FOXK1: variants seen among roughly 807,000 people sequenced by gnomAD.
FOXK1 encodes forkhead box K1.
FOXK1 carries 19 observed loss-of-function variants against 51.9 expected under a neutral mutation model. The ratio of observed to expected loss-of-function variants is 0.37; its 90% CI spans 0.26 to 0.54. The LOEUF (loss-of-function observed/expected upper bound fraction) is 0.54. Among genes scored for constraint, FOXK1 ranks in the 20% least tolerant of loss-of-function variants. FOXK1 has a pLI of 0.87. For missense variants in FOXK1, 870 were observed against 1,032.7 expected, an observed-to-expected ratio of 0.84 and a Z score of 2.16; for synonymous variants, 537 against 482.6, an observed-to-expected ratio of 1.11 and a Z score of -1.48.
intron 7 of FOXK1, chr7:4,760,109 C>T (rs1322876111): frequency 6.4e-6 from 1 of 156,828 alleles, no homozygotes; most frequent in Non-Finnish European, 1.4e-5. Context: ...TAGCTGTGTC[C>T]TTGCCCTAAG....
rs1258451344 is a variant in FOXK1, at chr7:4,771,231, T to C, written c.*8767T>C. 1 of 152,618 alleles carries C rather than the reference T, an allele frequency of 6.6e-6. No homozygotes were observed. The highest frequency in any genetic ancestry group is 2.4e-5 in the African/African-American group (1 of 41,428). The allele number at this position is 152,618 out of a possible 1,614,324, so 9.5% of individuals were successfully genotyped here. A position where few individuals can be genotyped will look rare whatever the true frequency, so the allele number is the denominator to read the frequency against. On this transcript the variant is annotated 3_prime_UTR_variant, in exon 9 of 9. Coordinates refer to ENST00000328914, the MANE Select transcript of FOXK1 (RefSeq NM_001037165.2). ...TTTTAATAAGGAGCCATACTTTTTTTTAAGAGTTTGAGATCTGAATGTGAT... is the reference window on the plus strand; with the variant it reads ...TTTTAATAAGGAGCCATACTTTTTTCTAAGAGTTTGAGATCTGAATGTGAT...
intron 2 of FOXK1, among the ~76,000 whole-genome samples, chr7:4,742,927 GGA>G (rs1051886685): frequency 6.6e-6 from 1 of 152,218 alleles, no homozygotes; most frequent in African/African-American, 2.4e-5. Context: ...TGTCTCTCGT[GGA>G]GAGAGAAGTT....
Position 4,756,064 on chromosome 7 carries a change from C to G in FOXK1, c.1050+681C>G, listed in dbSNP as rs1169786926. On this transcript the variant is annotated intron_variant, in intron 4 of 8. Coordinates refer to ENST00000328914, the MANE Select transcript of FOXK1 (RefSeq NM_001037165.2). The surrounding 1 kb of genome is among the most constrained non-coding windows in gnomAD (Gnocchi z 4.1). ...CATGACTGATGCATGTTGCATTTGC[C>G]TGTATTTTCTCCAATGTCAGTGTAG... is the stretch of plus-strand genomic sequence containing the variant. 2.0e-5 allele frequency among the ~76,000 whole-genome samples: 3 copies of G among 152,294 alleles called. No individual in the cohort carries two copies. The East Asian group carries it at 5.8e-4, about 29-fold the overall frequency.
rs1330879681 is a variant in FOXK1 at position 4,747,721 on chromosome 7, T to C, written c.746+6698T>C. On this transcript the variant is annotated intron_variant, in intron 2 of 8. Coordinates refer to ENST00000328914, the MANE Select transcript of FOXK1 (RefSeq NM_001037165.2). The surrounding 1 kb of genome is among the most constrained non-coding windows in gnomAD (Gnocchi z 9.2). ...CACCCAGCTCATTTTTTATTTTCGTTGAGATGGTGTCTTGCCCAGGCTGGT... is the reference window on the plus strand; with the variant it reads ...CACCCAGCTCATTTTTTATTTTCGTCGAGATGGTGTCTTGCCCAGGCTGGT... Among the ~76,000 whole-genome samples, 5 of 151,662 alleles carry C rather than the reference T, an allele frequency of 3.3e-5. No individual in the cohort carries two copies. The highest frequency in any genetic ancestry group is 7.4e-5 in the Non-Finnish European group (5 of 67,926).
chr7:4,689,836 C>T (rs1453576773), intron 1 of FOXK1, among the ~76,000 whole-genome samples: 3 of 152,188 alleles, frequency 2.0e-5, no homozygotes, highest in African/African-American at 7.2e-5. Flanking sequence ...GGTTTTCCCA[C>T]CCTTGTCACT....
rs1780826695 is a variant in FOXK1 at position 4,755,059 on chromosome 7, T to C, written c.904-178T>C. On this transcript the variant is annotated intron_variant, in intron 3 of 8. Coordinates refer to ENST00000328914, the MANE Select transcript of FOXK1 (RefSeq NM_001037165.2). This position sits in a 1 kb window ranked among gnomAD's most constrained non-coding sequence, Gnocchi z 6.6. ...AGTTTTCCTTCCCATGAGGCAAAAATGGTTGTTCCTAGTTGAATGCAAGCA... is the reference window on the plus strand; with the variant it reads ...AGTTTTCCTTCCCATGAGGCAAAAACGGTTGTTCCTAGTTGAATGCAAGCA... 1 of 703,522 alleles carries C rather than the reference T, an allele frequency of 1.4e-6. No individual in the cohort carries two copies. Among genetic ancestry groups the C allele is most frequent in the Non-Finnish European group, 2.3e-6 (1 of 442,794 alleles). 43.6% of individuals were successfully genotyped at this position (703,522 alleles called of 1,614,324 possible).
intron 1 of FOXK1, among the ~76,000 whole-genome samples, chr7:4,693,557 C>T (rs1779918840): frequency 6.6e-6 from 1 of 152,082 alleles, no homozygotes. Flanking sequence ...TAGTTACTGC[C>T]GTTATTTTCC....
At chr7:4,695,813 G>A (rs1779944307) in intron 1 of FOXK1, among the ~76,000 whole-genome samples, 1 of 152,142 alleles carries the variant, frequency 6.6e-6, no homozygotes, top group South Asian at 2.1e-4. Context: ...GCGCATGCCT[G>A]TAATCCCAGC....
At chr7:4,695,193 G>A (rs550864560) in intron 1 of FOXK1, among the ~76,000 whole-genome samples, 2 of 152,320 alleles carry the variant, frequency 1.3e-5, no homozygotes, top group South Asian at 2.1e-4. Flanking sequence ...GTGATTCATC[G>A]CCGCTTGATG....
At position 4,705,552 on chromosome 7, in the gene FOXK1, T is replaced by G. The variant is rs572451144; in HGVS notation, c.560+22684T>G. Among the ~76,000 whole-genome samples, 1,413 of 143,668 alleles carry G rather than the reference T, an allele frequency of 9.8e-3. 23 individuals are homozygous for G. Among genetic ancestry groups the G allele is most frequent in the African/African-American group, 0.032 (1,182 of 37,198 alleles). 94.3% of individuals were successfully genotyped at this position (143,668 alleles called of 152,430 possible). ...CTCTCTCTCTCTCTCTCTCTCTCTC[T>G]CTCTCTCGCTCTCGCTCTCTCGTCG... On this transcript the variant is annotated intron_variant, in intron 1 of 8. Coordinates refer to ENST00000328914, the MANE Select transcript of FOXK1 (RefSeq NM_001037165.2).
intron 1 of FOXK1, among the ~76,000 whole-genome samples, chr7:4,698,862 A>T (rs1779984527): frequency 6.6e-6 from 1 of 151,724 alleles, no homozygotes; most frequent in Non-Finnish European, 1.5e-5. Flanking sequence ...CTAGCTTTTT[A>T]TTTTTTATGG....
rs1780751576 is a variant in FOXK1, at chr7:4,749,807, A to G, written c.747-4652A>G. On this transcript the variant is annotated intron_variant, in intron 2 of 8. Coordinates refer to ENST00000328914, the MANE Select transcript of FOXK1 (RefSeq NM_001037165.2). The surrounding 1 kb of genome is among the most constrained non-coding windows in gnomAD (Gnocchi z 6.0). ...GTCTTAGGCTCTGGGGACGGAGCCCAGCTGGCGGCTCCAGAGGTGGCTTTA... is the reference window on the plus strand; with the variant it reads ...GTCTTAGGCTCTGGGGACGGAGCCCGGCTGGCGGCTCCAGAGGTGGCTTTA... Among the ~76,000 whole-genome samples, 1 of 152,222 alleles carries G rather than the reference A, an allele frequency of 6.6e-6. No homozygotes were observed. The highest frequency in any genetic ancestry group is 6.5e-5 in the Admixed American group (1 of 15,286).
intron 1 of FOXK1, among the ~76,000 whole-genome samples, chr7:4,738,363 G>C (rs925026855): frequency 3.3e-5 from 5 of 151,858 alleles, no homozygotes; most frequent in African/African-American, 1.2e-4. Flanking sequence ...CTTGAACCCA[G>C]GAGGTGGAGG....
chr7:4,759,703 A>C, intron 7 of FOXK1, 108 bp downstream of exon 7: 1 of 1,285,114 alleles, frequency 7.8e-7, no homozygotes, highest in Non-Finnish European at 1.0e-6. Flanking sequence ...GAGGAGGATG[A>C]TTCTCTGCTT....
intron 1 of FOXK1, among the ~76,000 whole-genome samples, chr7:4,726,439 A>G (rs1479613536): frequency 2.0e-5 from 3 of 152,106 alleles, no homozygotes; most frequent in Non-Finnish European, 4.4e-5. Flanking sequence ...GACCAACATG[A>G]TGAAACCCTG....
chr7:4,685,544 T>A (rs979544120), intron 1 of FOXK1, among the ~76,000 whole-genome samples: 5 of 148,304 alleles, frequency 3.4e-5, no homozygotes, highest in East Asian at 2.0e-4. Flanking sequence ...TTTTTTTTTT[T>A]AATTTTAGAA....
chr7:4,722,860 G>A lies in FOXK1; in HGVS notation c.561-17978G>A, dbSNP rs1301024035. ...TCCATCCCTCTCTCGTTTGGGCTCC[G>A]GTTCCCGCAGAATTGGCATCCAGGT... On this transcript the variant is annotated intron_variant, in intron 1 of 8. Coordinates refer to ENST00000328914, the MANE Select transcript of FOXK1 (RefSeq NM_001037165.2). This position sits in a 1 kb window ranked among gnomAD's most constrained non-coding sequence, Gnocchi z 5.1. 1.3e-5 allele frequency among the ~76,000 whole-genome samples: 2 copies of A among 152,036 alleles called. No homozygotes were observed. Among genetic ancestry groups the A allele is most frequent in the Non-Finnish European group, 2.9e-5 (2 of 68,012 alleles).
In FOXK1 at chr7:4,762,656, TAAAC is replaced by T; in HGVS notation, c.*195_*198del. 1 of 595,300 alleles carries T rather than the reference TAAAC, an allele frequency of 1.7e-6. No individual in the cohort carries two copies. Among genetic ancestry groups the T allele is most frequent in the African/African-American group, 1.9e-5 (1 of 53,716 alleles). The allele number at this position is 595,300 out of a possible 1,614,324, so 36.9% of individuals were successfully genotyped here. A position where few individuals can be genotyped will look rare whatever the true frequency, so the allele number is the denominator to read the frequency against. The stretch of plus-strand genomic sequence containing the variant: ...TCCCGTGGTTTAAGACAAAAACACA[TAAAC>T]AAGTTCAGACAACTGATTGTATGAT... On this transcript the variant is annotated 3_prime_UTR_variant, in exon 9 of 9. Coordinates refer to ENST00000328914, the MANE Select transcript of FOXK1 (RefSeq NM_001037165.2). The surrounding 1 kb of genome is among the most constrained non-coding windows in gnomAD (Gnocchi z 5.7).
chr7:4,726,671 A>G (rs1184350533), intron 1 of FOXK1, among the ~76,000 whole-genome samples: 1 of 151,098 alleles, frequency 6.6e-6, no homozygotes, highest in Admixed American at 6.6e-5. Flanking sequence ...AGTCCAGAAG[A>G]CAGACAGCGG....
Sources: gnomAD v4.1 joint callset for allele counts (sites outside exome capture counted in the v4.1 genomes callset) on GRCh38, gnomAD v4.1.1 for gene constraint, Gnocchi (gnomAD v3.1) non-coding constraint, MANE v1.5 for transcripts, NCBI Gene and HGNC (gene_info 2026-07-23, HGNC 2026-07-21) for gene names.